The following SRCIN1 variants were observed in gnomAD, a reference collection of about 807,000 sequenced individuals.
SRCIN1 encodes the protein SRC kinase signaling inhibitor 1.
SRCIN1 carries 50 observed loss-of-function variants against 116.2 expected under a neutral mutation model. That is an observed-to-expected ratio of 0.43 (90% CI 0.34 to 0.54). The LOEUF (loss-of-function observed/expected upper bound fraction) is 0.54, where lower values mean the gene tolerates loss of function less well. SRCIN1 is among the 20% of genes least tolerant of loss of function. The pLI, the probability that SRCIN1 is intolerant of heterozygous loss-of-function variation, is 0.02. For missense variants in SRCIN1, 1,446 were observed against 1,672.0 expected (o/e 0.86, Z 2.36); for synonymous variants, 736 against 750.0 (o/e 0.98, Z 0.30).
rs1385024283 is a variant in SRCIN1 at position 38,561,801 on chromosome 17, C to T, written c.1362G>A (p.Ala454=). Residue 454 remains alanine (A), a synonymous_variant, in exon 7 of 19, where the codon GCG becomes GCA. Transcript: ENST00000617146. ...CGTACAGCGGGCCGCCGCCGCCCGC[C>T]GCCTTGTACAGGGAGTCCTCCAGAT... ...QSDLEDSLYK[A]AGGGGPLYGD... 2 of 1,483,508 alleles carry T rather than the reference C, an allele frequency of 1.3e-6. No individual in the cohort carries two copies. The highest frequency in any genetic ancestry group is 1.8e-6 in the Non-Finnish European group (2 of 1,124,132). The allele number at this position is 1,483,508 out of a possible 1,614,324, so 91.9% of individuals were successfully genotyped here. A position where few individuals can be genotyped will look rare whatever the true frequency, so the allele number is the denominator to read the frequency against.
Position 38,564,262 on chromosome 17 carries a change from C to A in SRCIN1, c.397G>T (p.Ala133Ser). Residue 133 changes from alanine (A) to serine (S), a missense_variant, in exon 4 of 19, where the codon GCG (alanine) becomes TCG (serine). Transcript: ENST00000617146. Reference protein sequence around the residue: ...QGAQPGLADQAAKLSYASAES... With the variant: ...QGAQPGLADQSAKLSYASAES... The stretch of plus-strand genomic sequence containing the variant: ...GCGGAGGCGTAGGACAGCTTTGCCG[C>A]CTGGTCTGCCAGCCCGGGCTGGGCT... The A allele has an allele frequency of 6.4e-7, 1 of 1,574,100 alleles. No homozygotes were observed. The highest frequency in any genetic ancestry group is 8.6e-7 in the Non-Finnish European group (1 of 1,162,524).
intron 15 of SRCIN1, among the ~76,000 whole-genome samples, chr17:38,549,573 C>T (rs530441950): frequency 3.3e-5 from 5 of 152,242 alleles, no homozygotes; most frequent in East Asian, 1.9e-4. Context: ...GTTAGAGAGG[C>T]GCTGCTCTAA....
chr17:38,552,604 C>G lies in SRCIN1; in HGVS notation c.2333-10G>C. On this transcript the variant is annotated splice_polypyrimidine_tract_variant and intron_variant, in intron 12 of 18. Transcript: ENST00000617146. The surrounding 1 kb of genome is among the most constrained non-coding windows in gnomAD (Gnocchi z 5.3). ...AGGCCCGGGAAGTGAGCTGAGGAGA[C>G]AGGAAGGCATGAGCTGGGGCCAGAG... The G allele has an allele frequency of 6.2e-7, 1 of 1,612,548 alleles. No homozygotes were observed. The highest frequency in any genetic ancestry group is 8.5e-7 in the Non-Finnish European group (1 of 1,179,714).
intron 18 of SRCIN1, among the ~76,000 whole-genome samples, chr17:38,537,790 C>CAA (rs563375987): frequency 1.9e-3 from 213 of 111,142 alleles, no homozygotes; most frequent in African/African-American, 5.2e-3. Context: ...GACTCCGTGT[C>CAA]AAAAAAAAAA....
intron 3 of SRCIN1, among the ~76,000 whole-genome samples, chr17:38,566,902 T>TTCCTTCCTTCCTTCC (rs1567869321): frequency 1.1e-4 from 2 of 17,448 alleles, no homozygotes; most frequent in African/African-American, 2.5e-4. Flanking sequence ...TCCTTCCTTC[T>TTCCTTCCTTCCTTCC]TTCCTTCCTT....
chr17:38,592,200 A>G (rs1039328502), intron 1 of SRCIN1, among the ~76,000 whole-genome samples: 2 of 152,174 alleles, frequency 1.3e-5, no homozygotes, highest in African/African-American at 2.4e-5. Context: ...TCAGACAGTA[A>G]TTATGGGGGA....
rs1469548885 is a variant in SRCIN1, at chr17:38,604,430, G to A, written c.22+1254C>T. On this transcript the variant is annotated intron_variant, in intron 1 of 18. Transcript: ENST00000617146. This position sits in a 1 kb window ranked among gnomAD's most constrained non-coding sequence, Gnocchi z 4.3. The stretch of plus-strand genomic sequence containing the variant: ...TCCTTGTCCCACAACATTTGAGGAG[G>A]GGGGCTGGGAAGATCCCCCTCCTTG... 1 of 421,820 alleles carries A rather than the reference G, an allele frequency of 2.4e-6. No homozygotes were observed. Among genetic ancestry groups the A allele is most frequent in the Non-Finnish European group, 4.7e-6 (1 of 211,992 alleles). The allele number at this position is 421,820 out of a possible 1,614,324, so 26.1% of individuals were successfully genotyped here.
At chr17:38,587,085 G>A (rs1908154651) in intron 1 of SRCIN1, among the ~76,000 whole-genome samples, 1 of 152,120 alleles carries the variant, frequency 6.6e-6, no homozygotes, top group Non-Finnish European at 1.5e-5. Flanking sequence ...CACTTGCACA[G>A]ACCTGGGCAC....
At chr17:38,605,284 C>G (rs1909296894) in intron 1 of SRCIN1, among the ~76,000 whole-genome samples, 1 of 148,486 alleles carries the variant, frequency 6.7e-6, no homozygotes, top group Non-Finnish European at 1.5e-5. Flanking sequence ...CTTCCCCCAC[C>G]TCGGAGGGAC....
At chr17:38,606,429 C>G (rs1250435080), upstream of SRCIN1, among the ~76,000 whole-genome samples, 1 of 152,092 alleles carries the variant, frequency 6.6e-6, no homozygotes, top group African/African-American at 2.4e-5. This position sits in a 1 kb window ranked among gnomAD's most constrained non-coding sequence, Gnocchi z 5.2. Context: ...TGGGAGCGCC[C>G]GGATCCTCCT....
At chr17:38,574,930 G>T in intron 2 of SRCIN1, 1 of 401,192 alleles carries the variant, frequency 2.5e-6, no homozygotes. Flanking sequence ...GGTGGGAGCA[G>T]AGGGAGCTGA....
intron 1 of SRCIN1, 146 bp downstream of exon 1, chr17:38,605,538 C>T: frequency 2.1e-6 from 1 of 476,186 alleles, no homozygotes; most frequent in Non-Finnish European, 3.4e-6. Context: ...ACCTGCGCCC[C>T]AGCATCCCTC....
rs1281850711 is a variant in SRCIN1 at position 38,568,271 on chromosome 17, C to A, written c.325-40G>T. ...AAGAGAAGAGATGGTTATGAGGGGGCCCAGGAGGGGAAAAGAGGGGCAGGG... is the reference window on the plus strand; with the variant it reads ...AAGAGAAGAGATGGTTATGAGGGGGACCAGGAGGGGAAAAGAGGGGCAGGG... On this transcript the variant is annotated intron_variant, in intron 2 of 18. Transcript: ENST00000617146. This position sits in a 1 kb window ranked among gnomAD's most constrained non-coding sequence, Gnocchi z 4.5. The A allele has an allele frequency of 9.3e-6, 15 of 1,607,932 alleles. No homozygotes were observed. Among genetic ancestry groups the A allele is most frequent in the Non-Finnish European group, 1.3e-5 (15 of 1,176,874 alleles).
At chr17:38,582,842 C>G (rs888614419) in intron 1 of SRCIN1, among the ~76,000 whole-genome samples, 1 of 152,070 alleles carries the variant, frequency 6.6e-6, no homozygotes, top group African/African-American at 2.4e-5. Context: ...TCTGCAGGGC[C>G]CCAGCTGAGC....
In SRCIN1 at chr17:38,572,705, A is replaced by C. The variant is rs1907169379; in HGVS notation, c.325-4474T>G. ...GTGTACGTGCGGGGTCCCCAGCCCC[A>C]GGTCCTGCGTCCGGCTGGGGAGGGA... On this transcript the variant is annotated intron_variant, in intron 2 of 18. Transcript: ENST00000617146. The surrounding 1 kb of genome is among the most constrained non-coding windows in gnomAD (Gnocchi z 4.3). 1 of 147,992 alleles carries C rather than the reference A, an allele frequency of 6.8e-6. No individual in the cohort carries two copies. The highest frequency in any genetic ancestry group is 2.5e-5 in the African/African-American group (1 of 39,690). The allele number at this position is 147,992 out of a possible 1,614,324, so 9.2% of individuals were successfully genotyped here.
intron 18 of SRCIN1, among the ~76,000 whole-genome samples, chr17:38,536,651 C>T (rs1414595523): frequency 6.6e-6 from 1 of 152,234 alleles, no homozygotes; most frequent in Non-Finnish European, 1.5e-5. Context: ...ATTCCCAGGG[C>T]CACCCTCCCT....
At chr17:38,586,505 G>C (rs780926517) in intron 1 of SRCIN1, among the ~76,000 whole-genome samples, 1 of 152,208 alleles carries the variant, frequency 6.6e-6, no homozygotes, top group South Asian at 2.1e-4. Context: ...GGGAGGTCGA[G>C]TGATCTAATC....
Position 38,551,321 on chromosome 17 carries a change from C to T in SRCIN1, c.2796G>A (p.Arg932=). The change falls in exon 15 of 19, where the codon CGG becomes CGA. Residue 932 remains arginine, a synonymous_variant. Transcript: ENST00000617146. The part of the protein sequence containing the change: ...LTQYSAKDIN[R]LLEETQAELL... ...GCTCTGCCTGTGTCTCTTCCAGCAGCCGGTTGATGTCCTTGGCACTGTACT... is the reference window on the plus strand; with the variant it reads ...GCTCTGCCTGTGTCTCTTCCAGCAGTCGGTTGATGTCCTTGGCACTGTACT... 6.2e-7 allele frequency: 1 copy of T among 1,613,874 alleles called. No individual in the cohort carries two copies.
chr17:38,547,941 C>T (rs1166025062), intron 17 of SRCIN1: 7 of 197,188 alleles, frequency 3.5e-5, no homozygotes, highest in Non-Finnish European at 1.1e-5. Flanking sequence ...GATGGGGGTG[C>T]TGGCCTGTGG....
Sources: gnomAD v4.1 joint callset for allele counts (sites outside exome capture counted in the v4.1 genomes callset) on GRCh38, gnomAD v4.1.1 for gene constraint, Gnocchi (gnomAD v3.1) non-coding constraint, MANE v1.5 for transcripts, NCBI Gene and HGNC (gene_info 2026-07-23, HGNC 2026-07-21) for gene names.